Variants in EPHA5 observed in about 807,000 individuals in gnomAD.
EPHA5 encodes the protein ephrin type-A receptor 5.
A neutral mutation model predicts 105.0 loss-of-function variants in EPHA5; 60 were observed. The ratio of observed to expected loss-of-function variants is 0.57; its 90% confidence interval spans 0.46 to 0.71. The LOEUF is 0.71. Ranked by LOEUF, EPHA5 falls within the 30% of genes least tolerant of loss-of-function variation. EPHA5 has a pLI of 0.00. For synonymous variants in EPHA5, 513 were observed against 449.1 expected, an observed-to-expected ratio of 1.14 and a Z score of -1.80; for missense variants, 1,218 against 1,274.7, an observed-to-expected ratio of 0.96 and a Z score of 0.68.
intron 5 of EPHA5, among the ~76,000 whole-genome samples, chr4:65,421,488 C>T (rs928684219): frequency 6.6e-6 from 1 of 152,056 alleles, no homozygotes; most frequent in Non-Finnish European, 1.5e-5. Flanking sequence ...TAGTGAATAT[C>T]TGTATGAATT....
intron 5 of EPHA5, among the ~76,000 whole-genome samples, chr4:65,433,889 C>A (rs1364688172): frequency 6.6e-6 from 1 of 151,934 alleles, no homozygotes; most frequent in Non-Finnish European, 1.5e-5. Context: ...AATAAAAATG[C>A]AAAAATTAGC....
intron 3 of EPHA5, among the ~76,000 whole-genome samples, chr4:65,551,321 T>C (rs971402362): frequency 4.0e-5 from 6 of 150,874 alleles, no homozygotes; most frequent in Non-Finnish European, 8.9e-5. Flanking sequence ...ATATCATTTA[T>C]TATCTAAACC....
intron 8 of EPHA5, among the ~76,000 whole-genome samples, chr4:65,391,012 G>A (rs959534218): frequency 6.6e-6 from 1 of 152,022 alleles, no homozygotes; most frequent in Non-Finnish European, 1.5e-5. Flanking sequence ...TCATTGTGGA[G>A]GGGGAAGCAA....
At chr4:65,591,213 G>T (rs1301971560) in intron 3 of EPHA5, among the ~76,000 whole-genome samples, 2 of 152,046 alleles carry the variant, frequency 1.3e-5, no homozygotes, top group Non-Finnish European at 2.9e-5. Context: ...CTTATGTTTT[G>T]CAATGAAGAG....
chr4:65,618,398 T>A (rs899559904), intron 2 of EPHA5, among the ~76,000 whole-genome samples: 5 of 152,082 alleles, frequency 3.3e-5, no homozygotes, highest in African/African-American at 1.2e-4. Context: ...TATTGAAAAA[T>A]TTTTAAAAGA....
At chr4:65,506,263 G>C (rs942125174) in intron 3 of EPHA5, among the ~76,000 whole-genome samples, 2 of 151,892 alleles carry the variant, frequency 1.3e-5, no homozygotes, top group Non-Finnish European at 2.9e-5. Context: ...TGGACATTTG[G>C]GTTGGTTCCC....
intron 5 of EPHA5, among the ~76,000 whole-genome samples, chr4:65,443,151 G>T (rs1464056800): frequency 1.3e-5 from 2 of 151,988 alleles, no homozygotes; most frequent in African/African-American, 4.8e-5. Context: ...GTATCCTGGG[G>T]TTTGCCCTAG....
intron 2 of EPHA5, among the ~76,000 whole-genome samples, chr4:65,630,067 A>ACT (rs761380491): frequency 3.5e-4 from 47 of 133,500 alleles, no homozygotes; most frequent in East Asian, 1.8e-3. Context: ...ACACACACAC[A>ACT]CTCTCTCTCT....
chr4:65,361,615 A>G (rs1205191994), intron 11 of EPHA5, among the ~76,000 whole-genome samples: 1 of 151,664 alleles, frequency 6.6e-6, no homozygotes, highest in African/African-American at 2.4e-5. Flanking sequence ...TAGACAGACT[A>G]AGGAAATATA....
At chr4:65,440,533 C>CACACACAG (rs1378174142) in intron 5 of EPHA5, among the ~76,000 whole-genome samples, 3 of 151,050 alleles carry the variant, frequency 2.0e-5, no homozygotes, top group South Asian at 4.2e-4. Context: ...CACACACACA[C>CACACACAG]AGAGGGAGGA....
intron 5 of EPHA5, among the ~76,000 whole-genome samples, chr4:65,425,064 C>T (rs949372087): frequency 2.6e-5 from 4 of 151,824 alleles, no homozygotes; most frequent in Non-Finnish European, 1.5e-5. Context: ...AAATAAAACT[C>T]CATGCATTTG....
intron 5 of EPHA5, among the ~76,000 whole-genome samples, chr4:65,439,723 T>G (rs911670765): frequency 3.9e-5 from 6 of 152,158 alleles, no homozygotes; most frequent in Non-Finnish European, 7.4e-5. Flanking sequence ...ACTACTCTGA[T>G]TTACTTTGGT....
At chr4:65,401,178 A>G (rs567787529) in intron 8 of EPHA5, among the ~76,000 whole-genome samples, 14 of 152,152 alleles carry the variant, frequency 9.2e-5, no homozygotes, top group Non-Finnish European at 1.6e-4. Flanking sequence ...ATAATTTGCT[A>G]TTACTCAAAT....
intron 3 of EPHA5, among the ~76,000 whole-genome samples, chr4:65,526,802 T>C (rs1735277790): frequency 6.6e-6 from 1 of 152,050 alleles, no homozygotes; most frequent in Admixed American, 6.6e-5. Context: ...CACGTCTACC[T>C]TCTTAGAAAA....
At chr4:65,498,480 C>A (rs1235611699) in intron 3 of EPHA5, among the ~76,000 whole-genome samples, 1 of 151,786 alleles carries the variant, frequency 6.6e-6, no homozygotes, top group Non-Finnish European at 1.5e-5. Flanking sequence ...AAAGCAAGAT[C>A]AGAGGCAAAT....
rs1717742707 is a variant in EPHA5, at chr4:65,365,141, C to T, written c.2049G>A (p.Val683=). The change falls in exon 11 of 17, where the codon GTG becomes GTA. Residue 683 remains valine, a synonymous_variant. Transcript: ENST00000613740. ...LKLPGKRELP[V]AIKTLKVGYT... is the part of the protein sequence containing the mutation. ...AGCCTACTTTAAGGGTTTTGATAGC[C>T]ACAGGTAATTCTCTTTTTCCTGGTA... 6.2e-7 allele frequency: 1 copy of T among 1,611,520 alleles called. No individual in the cohort carries two copies. The highest frequency in any genetic ancestry group is 8.5e-7 in the Non-Finnish European group (1 of 1,178,314).
intron 3 of EPHA5, among the ~76,000 whole-genome samples, chr4:65,506,303 T>C (rs949260556): frequency 4.6e-5 from 7 of 151,392 alleles, no homozygotes; most frequent in Non-Finnish European, 7.4e-5. Flanking sequence ...AGTGCCACAA[T>C]AAACATACGT....
intron 3 of EPHA5, among the ~76,000 whole-genome samples, chr4:65,598,493 T>C (rs1297619328): frequency 6.6e-6 from 1 of 152,202 alleles, no homozygotes; most frequent in Non-Finnish European, 1.5e-5. Flanking sequence ...TTCTCATCCC[T>C]TAAGTTAAGG....
At chr4:65,358,393 C>T (rs1281009622) in intron 11 of EPHA5, among the ~76,000 whole-genome samples, 2 of 151,550 alleles carry the variant, frequency 1.3e-5, no homozygotes, top group Non-Finnish European at 3.0e-5. Context: ...AAGTAAGCCT[C>T]TGCTTATAGA....
Sources: gnomAD v4.1 joint callset for allele counts (sites outside exome capture counted in the v4.1 genomes callset) on GRCh38, gnomAD v4.1.1 for gene constraint, MANE v1.5 for transcripts, NCBI Gene and HGNC (gene_info 2026-07-23, HGNC 2026-07-21) for gene names.